The following PPP4R3B variants were observed in gnomAD, a reference collection of about 807,000 sequenced individuals.
PPP4R3B encodes the protein serine/threonine-protein phosphatase 4 regulatory subunit 3B.
In PPP4R3B, 52 loss-of-function variants were observed where a neutral mutation model predicts 95.4. The observed-to-expected ratio is 0.54, with a 90% confidence interval of 0.44 to 0.69. PPP4R3B has a LOEUF of 0.69. Among genes scored for constraint, PPP4R3B ranks in the 30% least tolerant of loss-of-function variants. The pLI, the probability that PPP4R3B is intolerant of heterozygous loss-of-function variation, is 0.00. For missense variants in PPP4R3B, 1,003 were observed against 1,005.9 expected (o/e 1.00, Z 0.04); for synonymous variants, 407 against 343.9 (o/e 1.18, Z -2.03).
intron 15 of PPP4R3B, among the ~76,000 whole-genome samples, chr2:55,562,143 C>T (rs1459364659): frequency 6.6e-5 from 10 of 152,094 alleles, no homozygotes; most frequent in Non-Finnish European, 1.0e-4. Context: ...GCACCTCGGC[C>T]GGGCTTGGTG....
rs529086610 is a variant in PPP4R3B, at chr2:55,608,936, T to C, written c.199-4860A>G. On this transcript the variant is annotated intron_variant, in intron 2 of 16. Coordinates refer to ENST00000616407, the MANE Select transcript of PPP4R3B (RefSeq NM_001122964.3). Reference sequence around the variant, plus strand: ...GTCAAGGCTGCGTGAGACTTAATCATGCCACCGTGCTTTTGGCTGGGAGAC... The same window carrying C: ...GTCAAGGCTGCGTGAGACTTAATCACGCCACCGTGCTTTTGGCTGGGAGAC... Among the ~76,000 whole-genome samples the C allele has an allele frequency of 3.9e-5, 6 of 152,172 alleles. No homozygotes were observed. In the South Asian group the frequency reaches 1.2e-3, roughly 32 times the overall value.
chr2:55,566,212 C>T (rs1002457089), intron 13 of PPP4R3B, among the ~76,000 whole-genome samples: 4 of 152,056 alleles, frequency 2.6e-5, no homozygotes, highest in African/African-American at 4.8e-5. Context: ...AACTAGTTCT[C>T]CTGTACTTCT....
intron 12 of PPP4R3B, among the ~76,000 whole-genome samples, chr2:55,572,897 T>C (rs1688191537): frequency 6.6e-6 from 1 of 152,188 alleles, no homozygotes; most frequent in East Asian, 1.9e-4. Context: ...AAAATTAGTC[T>C]ATACAATATT....
Position 55,572,764 on chromosome 2 carries a change from A to G in PPP4R3B, c.1765+855T>C, listed in dbSNP as rs757767913. Among the ~76,000 whole-genome samples the G allele has an allele frequency of 4.6e-5, 7 of 152,322 alleles. No homozygotes were observed. The South Asian group carries it at 1.2e-3, about 27-fold the overall frequency. Reference sequence around the variant, plus strand: ...AAAAGATTTATGTACTAGACTATTTACCACAGTGAGATGTGGAGTGGCAAG... The same window carrying G: ...AAAAGATTTATGTACTAGACTATTTGCCACAGTGAGATGTGGAGTGGCAAG... On this transcript the variant is annotated intron_variant, in intron 12 of 16. Transcript: ENST00000616407.
At chr2:55,615,857 CAAAAAAAAAAAAA>C (rs58981030) in intron 1 of PPP4R3B, among the ~76,000 whole-genome samples, 2 of 39,056 alleles carry the variant, frequency 5.1e-5, no homozygotes, top group South Asian at 1.3e-3. Flanking sequence ...ACTCTGTCTC[CAAAAAAAAAAAAA>C]AAAAAAAAAA....
chr2:55,613,042 T>G (rs183853296), intron 2 of PPP4R3B, among the ~76,000 whole-genome samples: 1 of 151,818 alleles, frequency 6.6e-6, no homozygotes, highest in African/African-American at 2.4e-5. Context: ...GCCCAGGAGG[T>G]TGAGGCTGCA....
chr2:55,587,418 T>C (rs1690295462), intron 5 of PPP4R3B, among the ~76,000 whole-genome samples: 1 of 152,068 alleles, frequency 6.6e-6, no homozygotes, highest in South Asian at 2.1e-4. Flanking sequence ...ACCCTGTCTC[T>C]ACTAAAAATA....
chr2:55,580,795 A>G (rs1170549593), intron 8 of PPP4R3B, among the ~76,000 whole-genome samples: 1 of 152,216 alleles, frequency 6.6e-6, no homozygotes, highest in Non-Finnish European at 1.5e-5. Context: ...ATATCCCTCC[A>G]TATTGAGAGA....
At chr2:55,608,445 G>T (rs1420425654) in intron 2 of PPP4R3B, among the ~76,000 whole-genome samples, 1 of 152,152 alleles carries the variant, frequency 6.6e-6, no homozygotes, top group Non-Finnish European at 1.5e-5. Flanking sequence ...TCTTCTTCCT[G>T]ATTACCAATA....
intron 12 of PPP4R3B, among the ~76,000 whole-genome samples, chr2:55,573,310 T>C (rs1432014068): frequency 5.3e-5 from 8 of 152,140 alleles, no homozygotes; most frequent in Admixed American, 1.3e-4. Flanking sequence ...AGTGACTGAC[T>C]ACTAAATGAC....
At position 55,558,815 on chromosome 2, in the gene PPP4R3B, G is replaced by T; in HGVS notation, c.2414C>A (p.Ser805Tyr). ...TGACGTAGGCAAGTTTGTGGTTTTGGAAGAGGATCCATTAGAAGTTGCTGG... is the reference window on the plus strand; with the variant it reads ...TGACGTAGGCAAGTTTGTGGTTTTGTAAGAGGATCCATTAGAAGTTGCTGG... Reference protein sequence around the residue: ...IPPATSNGSSSKTTNLPTSVT... With the variant: ...IPPATSNGSSYKTTNLPTSVT... The change falls in exon 16 of 17, where the codon TCC becomes TAC. Residue 805 changes from serine to tyrosine, a missense_variant. By Grantham distance (144) the Ser-to-Tyr change is moderately radical. Coordinates refer to ENST00000616407, the MANE Select transcript of PPP4R3B (RefSeq NM_001122964.3). 6.2e-7 allele frequency: 1 copy of T among 1,612,860 alleles called. No individual in the cohort carries two copies.
chr2:55,557,755 T>C (rs1686040592), intron 16 of PPP4R3B, among the ~76,000 whole-genome samples: 1 of 152,144 alleles, frequency 6.6e-6, no homozygotes, highest in African/African-American at 2.4e-5. Flanking sequence ...TCTTTCTACC[T>C]TTATACAATA....
intron 7 of PPP4R3B, among the ~76,000 whole-genome samples, chr2:55,583,248 T>G (rs1169725471): frequency 6.6e-6 from 1 of 152,158 alleles, no homozygotes; most frequent in Non-Finnish European, 1.5e-5. Context: ...GGATTTTTTT[T>G]GGTAATTAAT....
At chr2:55,612,135 C>A (rs1694255256) in intron 2 of PPP4R3B, among the ~76,000 whole-genome samples, 1 of 152,124 alleles carries the variant, frequency 6.6e-6, no homozygotes, top group African/African-American at 2.4e-5. Context: ...AAAAATTTAA[C>A]CCATTACTGC....
chr2:55,598,462 G>A lies in PPP4R3B; in HGVS notation c.875C>T (p.Thr292Met), dbSNP rs759234719. 9.3e-6 allele frequency: 15 copies of A among 1,613,948 alleles called. No homozygotes were observed. The highest frequency in any genetic ancestry group is 5.3e-5 in the African/African-American group (4 of 74,914). Residue 292 changes from threonine to methionine, a missense_variant, in exon 4 of 17, where the codon ACG becomes ATG. Thr to Met is a moderately conservative substitution (Grantham distance 81). This residue lies in a region of PPP4R3B where 695 missense variants were observed against 686.2 expected (regional missense o/e 1.01). Coordinates refer to ENST00000616407, the MANE Select transcript of PPP4R3B (RefSeq NM_001122964.3). ...AACTTTGTTGAAGAAAATAAAAGAC[G>A]TAAGAGTAGAAAGAAAATTCTCTTC... ...VFEENFLSTL[T>M]SFIFFNKVEI...
chr2:55,606,116 T>C (rs1693354363), intron 2 of PPP4R3B, among the ~76,000 whole-genome samples: 1 of 152,130 alleles, frequency 6.6e-6, no homozygotes, highest in African/African-American at 2.4e-5. Context: ...TCCCAAGTCA[T>C]CTTAGAGCCT....
intron 2 of PPP4R3B, among the ~76,000 whole-genome samples, chr2:55,609,577 G>A (rs889293985): frequency 5.9e-5 from 9 of 151,652 alleles, no homozygotes; most frequent in African/African-American, 1.9e-4. Context: ...GGAGGCTGAG[G>A]TGGGAGCCTG....
intron 16 of PPP4R3B, among the ~76,000 whole-genome samples, chr2:55,551,178 A>G (rs1157601167): frequency 1.3e-5 from 2 of 151,996 alleles, no homozygotes; most frequent in African/African-American, 2.4e-5. Flanking sequence ...ACATAGCAAA[A>G]CCCTATCTCT....
At chr2:55,559,891 G>A (rs1343023449) in intron 15 of PPP4R3B, among the ~76,000 whole-genome samples, 1 of 152,080 alleles carries the variant, frequency 6.6e-6, no homozygotes, top group Non-Finnish European at 1.5e-5. Context: ...GGTGGCTGAG[G>A]AGGGTGGATC....
Sources: allele counts gnomAD v4.1 joint callset (sites outside exome capture counted in the v4.1 genomes callset), GRCh38; gene constraint gnomAD v4.1.1; regional missense constraint gnomAD v4.1.1; transcripts MANE v1.5; gene names NCBI Gene and HGNC (gene_info 2026-07-23, HGNC 2026-07-21).